IGSF11: variants seen among roughly 807,000 people sequenced by gnomAD.
IGSF11 encodes the protein immunoglobulin superfamily member 11, also known as CXADR like 1.
IGSF11 carries 22 observed loss-of-function variants against 41.0 expected under a neutral mutation model. The ratio of observed to expected loss-of-function variants is 0.54; its 90% CI spans 0.38 to 0.77. The LOEUF (loss-of-function observed/expected upper bound fraction) is 0.77. Among genes scored for constraint, IGSF11 ranks in the 30% least tolerant of loss-of-function variants. The pLI is 0.00. For missense variants in IGSF11, 444 were observed against 530.8 expected (o/e 0.84, Z 1.61); for synonymous variants, 219 against 201.3 (o/e 1.09, Z -0.74).
upstream of IGSF11, among the ~76,000 whole-genome samples, chr3:119,106,903 C>G (rs1393626872): frequency 6.6e-6 from 1 of 152,162 alleles, no homozygotes; most frequent in Non-Finnish European, 1.5e-5. Context: ...CATGTCCCTA[C>G]AAAGGACATG....
chr3:118,927,736 C>G (rs1160686085), intron 3 of IGSF11, among the ~76,000 whole-genome samples: 1 of 152,134 alleles, frequency 6.6e-6, no homozygotes, highest in Non-Finnish European at 1.5e-5. Flanking sequence ...TCTTCCATCT[C>G]CCCAGATGAA....
intron 1 of IGSF11, among the ~76,000 whole-genome samples, chr3:118,975,875 G>A (rs1934040335): frequency 6.6e-6 from 1 of 152,134 alleles, no homozygotes. Flanking sequence ...TGGGGGGCAG[G>A]GGGAGGAAGT....
intron 1 of IGSF11, among the ~76,000 whole-genome samples, chr3:118,939,096 T>C (rs571844994): frequency 6.6e-6 from 1 of 152,336 alleles, no homozygotes; most frequent in East Asian, 1.9e-4. Context: ...CTTTAGGATG[T>C]TCTACCTAAC....
chr3:119,101,009 A>G (rs978156410), intron 1 of IGSF11, among the ~76,000 whole-genome samples: 7 of 152,222 alleles, frequency 4.6e-5, no homozygotes, highest in African/African-American at 1.7e-4. Flanking sequence ...CCAAACTAGA[A>G]GAAACATAGA....
At chr3:119,026,987 T>C (rs763710321) in intron 1 of IGSF11, among the ~76,000 whole-genome samples, 3 of 152,210 alleles carry the variant, frequency 2.0e-5, no homozygotes, top group Non-Finnish European at 2.9e-5. Context: ...AAAACTTGTA[T>C]CTGACATTGT....
upstream of IGSF11, among the ~76,000 whole-genome samples, chr3:119,037,962 T>C (rs1331331950): frequency 6.6e-6 from 1 of 152,250 alleles, no homozygotes; most frequent in East Asian, 1.9e-4. Context: ...GAGTGTTTTA[T>C]AAGAACATTA....
At chr3:118,958,569 A>G (rs1402618873) in intron 1 of IGSF11, among the ~76,000 whole-genome samples, 1 of 152,224 alleles carries the variant, frequency 6.6e-6, no homozygotes, top group African/African-American at 2.4e-5. Flanking sequence ...TAAAAAAATT[A>G]TTACAAAGCA....
rs932524130 is a variant in IGSF11, at chr3:118,986,513, C to T, written c.52+48018G>A. 3.3e-5 allele frequency among the ~76,000 whole-genome samples: 5 copies of T among 152,136 alleles called. No homozygotes were observed. In the South Asian group the frequency reaches 1.0e-3, roughly 31 times the overall value. Reference sequence around the variant, plus strand: ...TTTATAGTAAATAATAATTTGTATGCTCAATTTAACAGGAAAATGGAAAGG... The same window carrying T: ...TTTATAGTAAATAATAATTTGTATGTTCAATTTAACAGGAAAATGGAAAGG... On this transcript the variant is annotated intron_variant, in intron 1 of 6. Coordinates refer to ENST00000393775, the MANE Select transcript of IGSF11 (RefSeq NM_001015887.3).
At chr3:119,023,262 CAAAAAAAAAAAAAAAAAAA>C (rs3049118) in intron 1 of IGSF11, among the ~76,000 whole-genome samples, 1 of 60,248 alleles carries the variant, frequency 1.7e-5, no homozygotes, top group Non-Finnish European at 2.9e-5. Flanking sequence ...GACTCCGTCT[CAAAAAAAAAAAAAAAAAAA>C]AAAAAAAAAA....
At chr3:119,137,144 C>T (rs1388054027) in intron 1 of IGSF11, among the ~76,000 whole-genome samples, 1 of 152,020 alleles carries the variant, frequency 6.6e-6, no homozygotes, top group Non-Finnish European at 1.5e-5. Flanking sequence ...AATGTCCATA[C>T]TACCCAAAGC....
chr3:119,052,275 T>C (rs1172416349), intron 1 of IGSF11, among the ~76,000 whole-genome samples: 1 of 151,578 alleles, frequency 6.6e-6, no homozygotes, highest in Non-Finnish European at 1.5e-5. Flanking sequence ...AGGCCAGGAG[T>C]TCGAGACAAG....
chr3:119,123,679 T>C (rs555477209), intron 1 of IGSF11, among the ~76,000 whole-genome samples: 10 of 152,286 alleles, frequency 6.6e-5, no homozygotes, highest in Admixed American at 4.6e-4. Context: ...AGAGAGACTG[T>C]TTATTTCAGA....
chr3:118,922,562 A>T (rs116414242), intron 4 of IGSF11, among the ~76,000 whole-genome samples: 196 of 152,100 alleles, frequency 1.3e-3, no homozygotes, highest in African/African-American at 3.6e-3. Flanking sequence ...TGTACCCTTT[A>T]ACCCACATCT....
intron 1 of IGSF11, among the ~76,000 whole-genome samples, chr3:119,056,547 G>C (rs1227658177): frequency 1.3e-5 from 2 of 152,154 alleles, no homozygotes; most frequent in Non-Finnish European, 2.9e-5. Flanking sequence ...AGAGGTACAA[G>C]GAGGGGCTGT....
upstream of IGSF11, among the ~76,000 whole-genome samples, chr3:119,106,832 G>A (rs572652357): frequency 4.2e-4 from 64 of 151,848 alleles, no homozygotes; most frequent in African/African-American, 7.7e-4. Flanking sequence ...GTGAGAACAT[G>A]CAGTGTTTGG....
intron 1 of IGSF11, among the ~76,000 whole-genome samples, chr3:119,032,266 C>G (rs1160627870): frequency 1.3e-5 from 2 of 152,122 alleles, no homozygotes; most frequent in Admixed American, 1.3e-4. Context: ...GATATACACC[C>G]CTCCTGCTAT....
At chr3:119,057,267 C>T (rs1941881181) in intron 1 of IGSF11, among the ~76,000 whole-genome samples, 1 of 152,198 alleles carries the variant, frequency 6.6e-6, no homozygotes. Context: ...TAAGCAACTT[C>T]AGCAAAGTCT....
chr3:119,007,288 T>C (rs962711259), intron 1 of IGSF11, among the ~76,000 whole-genome samples: 1 of 139,700 alleles, frequency 7.2e-6, no homozygotes, highest in African/African-American at 3.0e-5. Flanking sequence ...CCCTTGCGCT[T>C]CCCAGGTGAG....
chr3:119,049,355 C>A (rs1398227363), intron 1 of IGSF11, among the ~76,000 whole-genome samples: 2 of 151,842 alleles, frequency 1.3e-5, no homozygotes, highest in Non-Finnish European at 1.5e-5. Flanking sequence ...ACACCAATAA[C>A]AGACAAACAG....
Sources: gnomAD v4.1 joint callset for allele counts (sites outside exome capture counted in the v4.1 genomes callset) on GRCh38, gnomAD v4.1.1 for gene constraint, MANE v1.5 for transcripts, NCBI Gene and HGNC (gene_info 2026-07-23, HGNC 2026-07-21) for gene names.